The following MTHFD1L variants were observed in gnomAD, a reference collection of about 807,000 sequenced individuals.
MTHFD1L encodes the protein methylenetetrahydrofolate dehydrogenase (NADP+ dependent) 1 like, also known as monofunctional C1-tetrahydrofolate synthase, mitochondrial.
MTHFD1L carries 81 observed loss-of-function variants against 119.5 expected under a neutral mutation model. The observed-to-expected ratio is 0.68, with a 90% CI of 0.57 to 0.82. MTHFD1L has a LOEUF of 0.82. Among genes scored for constraint, MTHFD1L ranks in the 40% least tolerant of loss-of-function variants. The pLI, the probability that MTHFD1L is intolerant of heterozygous loss-of-function variation, is 0.00. For synonymous variants in MTHFD1L, 430 were observed against 475.2 expected, an observed-to-expected ratio of 0.90 and a Z score of 1.24; for missense variants, 1,125 against 1,253.4, an observed-to-expected ratio of 0.90 and a Z score of 1.55.
At chr6:150,963,824 A>C (rs905079648) in intron 18 of MTHFD1L, among the ~76,000 whole-genome samples, 1 of 152,208 alleles carries the variant, frequency 6.6e-6, no homozygotes, top group African/African-American at 2.4e-5. Flanking sequence ...TATGTTGAAA[A>C]CACCAAGACA....
rs1043831602 is a variant in MTHFD1L, at chr6:151,012,019, C to CAAAAAAAAAAAAAA, written c.2266-1741_2266-1728dup. Among the ~76,000 whole-genome samples the CAAAAAAAAAAAAAA allele has an allele frequency of 6.8e-5, 4 of 58,822 alleles. 1 individual carries two copies. The highest frequency in any genetic ancestry group is 2.3e-4 in the African/African-American group (4 of 17,374). The allele number at this position is 58,822 out of a possible 152,430, so 38.6% of individuals were successfully genotyped here. A position where few individuals can be genotyped will look rare whatever the true frequency, so the allele number is the denominator to read the frequency against. ...TCCATCTCAACAACAACAACAACAACAAAAAAAAAAAAAAAAAAAAAAAAA... is the reference window on the plus strand; with the variant it reads ...TCCATCTCAACAACAACAACAACAACAAAAAAAAAAAAAAAAAAAAAAAAAAAAAAAAAAAAAAA... On this transcript the variant is annotated intron_variant, in intron 21 of 27. Transcript: ENST00000367321.
At chr6:151,082,578 AT>A (rs10715175) in intron 26 of MTHFD1L, among the ~76,000 whole-genome samples, 2,998 of 149,942 alleles carry the variant, frequency 0.02, 93 homozygotes, top group African/African-American at 0.067. Flanking sequence ...GATATAGAAG[AT>A]TTTTTTTTTG....
Position 150,938,309 on chromosome 6 carries a change from C to T in MTHFD1L, c.1394-390C>T, listed in dbSNP as rs140948303. Among the ~76,000 whole-genome samples, 1,272 of 152,308 alleles carry T rather than the reference C, an allele frequency of 8.4e-3. 21 individuals are homozygous for T. Among genetic ancestry groups the T allele is most frequent in the African/African-American group, 0.029 (1,208 of 41,564 alleles). On this transcript the variant is annotated intron_variant, in intron 12 of 27. Transcript: ENST00000367321. ...CTGGGTTTACAGGCATGAGCCACCTCGCCCAGCCACAGTGTATTTTTTTTA... is the reference window on the plus strand; with the variant it reads ...CTGGGTTTACAGGCATGAGCCACCTTGCCCAGCCACAGTGTATTTTTTTTA...
chr6:150,923,083 A>G (rs187069359), intron 10 of MTHFD1L, among the ~76,000 whole-genome samples: 4 of 152,274 alleles, frequency 2.6e-5, no homozygotes, highest in African/African-American at 4.8e-5. Flanking sequence ...TAAGGGCCAT[A>G]TAGGTTTCTA....
intron 1 of MTHFD1L, 158 bp downstream of exon 1, chr6:150,866,207 C>T (rs1356334617): frequency 1.5e-6 from 2 of 1,368,116 alleles, no homozygotes; most frequent in Non-Finnish European, 1.9e-6. Context: ...GAAACGCGGG[C>T]TTGGGCACTG....
chr6:151,018,734 G>A (rs1359675365), intron 24 of MTHFD1L, among the ~76,000 whole-genome samples: 2 of 152,176 alleles, frequency 1.3e-5, no homozygotes, highest in African/African-American at 4.8e-5. Flanking sequence ...TGAAGAGAAA[G>A]GGTGACAGTG....
chr6:150,976,421 G>A (rs778216687), intron 20 of MTHFD1L, among the ~76,000 whole-genome samples: 2 of 152,180 alleles, frequency 1.3e-5, no homozygotes, highest in Non-Finnish European at 2.9e-5. Flanking sequence ...TGGCATGTGA[G>A]CAAATTGACA....
intron 26 of MTHFD1L, among the ~76,000 whole-genome samples, chr6:151,052,260 T>C (rs1016685598): frequency 3.9e-5 from 6 of 151,960 alleles, no homozygotes; most frequent in Non-Finnish European, 7.4e-5. Context: ...GAGCTGAAAA[T>C]TGGGGAGTTG....
At chr6:150,943,927 T>C (rs1413922566) in intron 13 of MTHFD1L, among the ~76,000 whole-genome samples, 1 of 152,218 alleles carries the variant, frequency 6.6e-6, no homozygotes, top group African/African-American at 2.4e-5. Context: ...ATATTTGATA[T>C]GATACTGTTT....
intron 2 of MTHFD1L, among the ~76,000 whole-genome samples, chr6:150,876,634 G>A (rs1780491339): frequency 6.6e-6 from 1 of 152,188 alleles, no homozygotes; most frequent in African/African-American, 2.4e-5. Flanking sequence ...CTGTCAAAAG[G>A]GCTTTGCATT....
At chr6:150,920,568 A>G (rs569436565) in intron 9 of MTHFD1L, among the ~76,000 whole-genome samples, 233 of 152,280 alleles carry the variant, frequency 1.5e-3, no homozygotes, top group African/African-American at 5.2e-3. Flanking sequence ...ATTTATATGC[A>G]TACATAACAC....
Position 150,960,007 on chromosome 6 carries a change from G to A in MTHFD1L, c.1804-268G>A, listed in dbSNP as rs367978944. 3.7e-4 allele frequency among the ~76,000 whole-genome samples: 57 copies of A among 152,326 alleles called. 1 individual carries two copies. In the South Asian group the frequency reaches 0.011, roughly 29 times the overall value. On this transcript the variant is annotated intron_variant, in intron 17 of 27. Transcript: ENST00000367321. ...AACCATGTGGTAGTGCTGTGAGCGG[G>A]TGTAACAGGGGTCCTAACTCAGCCC...
chr6:151,062,219 G>C (rs897651729), intron 26 of MTHFD1L, among the ~76,000 whole-genome samples: 2 of 152,158 alleles, frequency 1.3e-5, no homozygotes, highest in Non-Finnish European at 2.9e-5. Context: ...AGCGGATCAC[G>C]AGGTCAGGAG....
chr6:150,892,075 T>C (rs17349743), intron 7 of MTHFD1L, among the ~76,000 whole-genome samples: 45,843 of 152,090 alleles, frequency 0.3, 7,136 homozygotes, highest in Admixed American at 0.43. Flanking sequence ...TGTGCGTTTT[T>C]AGCAGTCACC....
chr6:150,875,474 G>T (rs554456321), intron 1 of MTHFD1L, among the ~76,000 whole-genome samples: 58 of 152,182 alleles, frequency 3.8e-4, no homozygotes, highest in African/African-American at 1.1e-3. Flanking sequence ...ATTCTCAGAG[G>T]ACTGAGAAGC....
At chr6:151,063,541 C>G (rs537119382) in intron 26 of MTHFD1L, among the ~76,000 whole-genome samples, 7 of 152,314 alleles carry the variant, frequency 4.6e-5, no homozygotes, top group African/African-American at 1.7e-4. Flanking sequence ...GCCCATCTTT[C>G]TTTTCAACTT....
At chr6:150,953,761 G>T (rs1301696715) in intron 16 of MTHFD1L, among the ~76,000 whole-genome samples, 1 of 152,042 alleles carries the variant, frequency 6.6e-6, no homozygotes, top group African/African-American at 2.4e-5. Context: ...AAAAACAGCT[G>T]AATTTCTCTT....
intron 10 of MTHFD1L, among the ~76,000 whole-genome samples, chr6:150,922,690 C>T (rs1488118738): frequency 1.5e-5 from 2 of 136,700 alleles, no homozygotes; most frequent in African/African-American, 5.5e-5. Context: ...GTTGCCCAGG[C>T]TAGAGTGCAA....
At chr6:150,905,583 A>G (rs1012416028) in intron 7 of MTHFD1L, 67 bp from the exon 8 acceptor site, 1 of 1,127,666 alleles carries the variant, frequency 8.9e-7, no homozygotes, top group Non-Finnish European at 1.4e-6. Flanking sequence ...CTCATTTGAC[A>G]TCAGTAGTTA....
Sources: gnomAD v4.1 joint callset for allele counts (sites outside exome capture counted in the v4.1 genomes callset) on GRCh38, gnomAD v4.1.1 for gene constraint, MANE v1.5 for transcripts, NCBI Gene and HGNC (gene_info 2026-07-23, HGNC 2026-07-21) for gene names.